COA1: variants seen among roughly 807,000 people sequenced by gnomAD.
COA1 encodes cytochrome c oxidase assembly factor 1 homolog.
COA1 carries 13 observed loss-of-function variants against 16.0 expected under a neutral mutation model. The observed-to-expected ratio is 0.81, with a 90% CI of 0.53 to 1.29. COA1 has a LOEUF of 1.29. COA1 is among the 50% of genes most tolerant of loss of function. The probability of loss-of-function intolerance (pLI) is 0.00; values close to 1 mark genes in which losing one functional copy is unlikely to be tolerated. For synonymous variants in COA1, 65 were observed against 65.7 expected (o/e 0.99, Z 0.05); for missense variants, 179 against 177.0 (o/e 1.01, Z -0.06).
intron 1 of COA1, among the ~76,000 whole-genome samples, chr7:43,658,143 G>A (rs1047434477): frequency 5.3e-5 from 8 of 152,196 alleles, no homozygotes; most frequent in African/African-American, 1.2e-4. Context: ...TTGGGAGGCC[G>A]AGGCGGGTGG....
At chr7:43,650,553 A>G (rs548562080) in intron 1 of COA1, 2 of 152,294 alleles carry the variant, frequency 1.3e-5, no homozygotes, top group Non-Finnish European at 2.9e-5. Flanking sequence ...CTATCTGCTC[A>G]ATAGACAGGG....
At chr7:43,629,531 A>T (rs1428962805) in intron 6 of COA1, among the ~76,000 whole-genome samples, 1 of 152,018 alleles carries the variant, frequency 6.6e-6, no homozygotes, top group Non-Finnish European at 1.5e-5. Flanking sequence ...TGTTTTTTGG[A>T]TAGTCTTCAT....
At chr7:43,679,700 C>G (rs952357141) in intron 1 of COA1, among the ~76,000 whole-genome samples, 1 of 152,102 alleles carries the variant, frequency 6.6e-6, no homozygotes, top group Admixed American at 6.5e-5. Flanking sequence ...TAAAATCAGT[C>G]TTATAAATAA....
In COA1 at chr7:43,729,441, G is replaced by GA. The variant is rs1280599850; in HGVS notation, c.-52dup. On this transcript the variant is annotated 5_prime_UTR_variant, in exon 1 of 6. Coordinates refer to ENST00000223336, the MANE Select transcript of COA1 (RefSeq NM_018224.4). ...GCGGGAGACTAACCTGTGAGCAACA[G>GA]AAGCACCACGCTACAAAGAGCATGA... The GA allele has an allele frequency of 2.6e-5, 4 of 152,290 alleles. No homozygotes were observed. Among genetic ancestry groups the GA allele is most frequent in the Non-Finnish European group, 4.4e-5 (3 of 68,068 alleles). The allele number at this position is 152,290 out of a possible 1,614,324, so 9.4% of individuals were successfully genotyped here.
intron 1 of COA1, among the ~76,000 whole-genome samples, chr7:43,661,767 C>T (rs535762661): frequency 2.0e-5 from 3 of 152,204 alleles, no homozygotes; most frequent in Admixed American, 6.5e-5. Flanking sequence ...GAGACCATTC[C>T]AGGGTGAACA....
chr7:43,715,580 A>G (rs1220800412), intron 1 of COA1, among the ~76,000 whole-genome samples: 2 of 151,950 alleles, frequency 1.3e-5, no homozygotes, highest in Non-Finnish European at 2.9e-5. Context: ...GCCTTTGAAT[A>G]TTGCTTTCAC....
At chr7:43,638,223 CAT>C (rs1491432123), downstream of COA1, among the ~76,000 whole-genome samples, 391 of 102,042 alleles carry the variant, frequency 3.8e-3, 1 homozygote, top group African/African-American at 0.017. Context: ...TGTTTAAGCT[CAT>C]TTTTTTTTTT....
chr7:43,687,330 A>C (rs1025308538), intron 1 of COA1, among the ~76,000 whole-genome samples: 8 of 152,228 alleles, frequency 5.3e-5, no homozygotes, highest in Non-Finnish European at 1.0e-4. Context: ...AAAATAGGAA[A>C]AACAAGCTTG....
At chr7:43,712,157 G>C (rs1026625605) in intron 1 of COA1, among the ~76,000 whole-genome samples, 1 of 151,936 alleles carries the variant, frequency 6.6e-6, no homozygotes, top group African/African-American at 2.4e-5. Flanking sequence ...CTGTCGCCCA[G>C]GCTGGAGTAC....
At chr7:43,673,980 C>A (rs2093395044) in intron 1 of COA1, among the ~76,000 whole-genome samples, 1 of 151,946 alleles carries the variant, frequency 6.6e-6, no homozygotes, top group South Asian at 2.1e-4. Context: ...ACAACAGACA[C>A]CAGGACCTAC....
chr7:43,713,407 G>A (rs767437750), intron 1 of COA1, among the ~76,000 whole-genome samples: 3 of 152,064 alleles, frequency 2.0e-5, no homozygotes, highest in Non-Finnish European at 4.4e-5. Flanking sequence ...TCACCCTTCT[G>A]TGGAATAGAA....
intron 1 of COA1, among the ~76,000 whole-genome samples, chr7:43,679,861 A>G (rs1191365452): frequency 1.3e-5 from 2 of 152,220 alleles, no homozygotes; most frequent in Non-Finnish European, 2.9e-5. Context: ...CTGTGACAGA[A>G]GAAATAAAAT....
At chr7:43,656,903 G>C (rs1233342081) in intron 1 of COA1, among the ~76,000 whole-genome samples, 1 of 151,688 alleles carries the variant, frequency 6.6e-6, no homozygotes, top group Non-Finnish European at 1.5e-5. Context: ...GCTAACAAAA[G>C]AGCAGTCAAG....
chr7:43,709,033 T>A (rs2095110771), intron 1 of COA1, among the ~76,000 whole-genome samples: 2 of 151,804 alleles, frequency 1.3e-5, no homozygotes, highest in Non-Finnish European at 2.9e-5. Context: ...TAATCTTTTT[T>A]TTTTTTTTGA....
At position 43,644,817 on chromosome 7, in the gene COA1, G is replaced by GAGAGAGAGAGAGAGAGAGAGAGAGAC. The variant is rs1245137600; in HGVS notation, c.264+433_264+434insGTCTCTCTCTCTCTCTCTCTCTCTCT. 3.0e-3 allele frequency among the ~76,000 whole-genome samples: 377 copies of GAGAGAGAGAGAGAGAGAGAGAGAGAC among 126,702 alleles called. 33 individuals carry two copies. Among genetic ancestry groups the GAGAGAGAGAGAGAGAGAGAGAGAGAC allele is most frequent in the Non-Finnish European group, 4.8e-3 (252 of 52,134 alleles). The allele number at this position is 126,702 out of a possible 152,430, so 83.1% of individuals were successfully genotyped here. On this transcript the variant is annotated intron_variant, in intron 4 of 5. Coordinates refer to ENST00000223336, the MANE Select transcript of COA1 (RefSeq NM_018224.4). ...AGAGAGACAGAGAGAGAGAGAGAGA[G>GAGAGAGAGAGAGAGAGAGAGAGAGAC]AGAGAGAGAGAGAGAGACAGGGTCT...
chr7:43,610,696 G>A (rs542450584), intron 6 of COA1, among the ~76,000 whole-genome samples: 1 of 152,114 alleles, frequency 6.6e-6, no homozygotes, highest in Non-Finnish European at 1.5e-5. Context: ...GGCACATTCC[G>A]TAATACCTTT....
At chr7:43,619,430 G>C (rs2083646769) in intron 6 of COA1, among the ~76,000 whole-genome samples, 1 of 152,204 alleles carries the variant, frequency 6.6e-6, no homozygotes, top group African/African-American at 2.4e-5. Context: ...CAGGCCTGCT[G>C]CCTTATACAT....
chr7:43,689,752 G>C lies in COA1; in HGVS notation c.-39+39677C>G, dbSNP rs756601888. Reference sequence around the variant, plus strand: ...TGTGACAAATAGCACAAGGGACAGGGGGTTAGAATGGAAGTATGTTGTTGT... The same window carrying C: ...TGTGACAAATAGCACAAGGGACAGGCGGTTAGAATGGAAGTATGTTGTTGT... On this transcript the variant is annotated intron_variant, in intron 1 of 5. Transcript: ENST00000223336. Among the ~76,000 whole-genome samples the C allele has an allele frequency of 1.1e-4, 16 of 152,126 alleles. 1 individual carries two copies. The highest frequency in any genetic ancestry group is 2.2e-4 in the Non-Finnish European group (15 of 68,024).
At chr7:43,654,490 CAAAT>C (rs1426611613) in intron 1 of COA1, among the ~76,000 whole-genome samples, 1 of 151,684 alleles carries the variant, frequency 6.6e-6, no homozygotes, top group South Asian at 2.1e-4. Flanking sequence ...GGAAGAAACT[CAAAT>C]AAGGAGTGAT....
Sources: allele counts gnomAD v4.1 joint callset (sites outside exome capture counted in the v4.1 genomes callset), GRCh38; gene constraint gnomAD v4.1.1; transcripts MANE v1.5; gene names NCBI Gene and HGNC (gene_info 2026-07-23, HGNC 2026-07-21).